LYST: variants seen among roughly 807,000 people sequenced by gnomAD.
LYST encodes the protein lysosomal-trafficking regulator.
LYST carries 192 observed loss-of-function variants against 413.6 expected under a neutral mutation model. The ratio of observed to expected loss-of-function variants is 0.46; its 90% CI spans 0.41 to 0.52. The LOEUF is 0.52. Among genes scored for constraint, LYST ranks in the 20% least tolerant of loss-of-function variants. LYST has a pLI of 0.00. For synonymous variants in LYST, 1,525 were observed against 1,567.3 expected, an observed-to-expected ratio of 0.97 and a Z score of 0.64; for missense variants, 3,815 against 4,499.9, an observed-to-expected ratio of 0.85 and a Z score of 4.35.
Position 235,821,207 on chromosome 1 carries a change from G to A in LYST, c.193-8146C>T, listed in dbSNP as rs114262417. 6.4e-3 allele frequency among the ~76,000 whole-genome samples: 980 copies of A among 152,296 alleles called. 10 individuals carry two copies. The highest frequency in any genetic ancestry group is 0.022 in the African/African-American group (901 of 41,560). On this transcript the variant is annotated intron_variant, in intron 3 of 52. Transcript: ENST00000389793. ...AATCCCAGCACTTTGGGAGGCCAAG[G>A]GGGGTGGTTGCTTGAGCTCAGGAGC...
In LYST at chr1:235,806,245, C is replaced by T. The variant is rs1484190780; in HGVS notation, c.2891G>A (p.Trp964Ter). 6.2e-7 allele frequency: 1 copy of T among 1,613,830 alleles called. No homozygotes were observed. Among genetic ancestry groups the T allele is most frequent in the African/African-American group, 1.3e-5 (1 of 74,938 alleles). ...PEHMHQAADI[W>*]SMCRWIYMLS... Reference sequence around the variant, plus strand: ...CATGTAGATCCAACGACACATAGACCAAATGTCTGCTGCTTGGTGCATATG... The same window carrying T: ...CATGTAGATCCAACGACACATAGACTAAATGTCTGCTGCTTGGTGCATATG... Residue 964 changes from tryptophan (W) to a stop codon, truncating the protein, a stop_gained, in exon 6 of 53, where the codon TGG becomes TAG. Transcript: ENST00000389793. LOFTEE classifies it high-confidence loss of function.
At chr1:235,858,028 G>C (rs7534231) in intron 1 of LYST, among the ~76,000 whole-genome samples, 3 of 151,910 alleles carry the variant, frequency 2.0e-5, no homozygotes, top group Non-Finnish European at 4.4e-5. Flanking sequence ...GAATTTTGTC[G>C]TATGACTATC....
chr1:235,866,876 C>T lies in LYST; in HGVS notation c.-131G>A, dbSNP rs886046184. The T allele has an allele frequency of 6.5e-6, 1 of 153,824 alleles. No individual in the cohort carries two copies. The highest frequency in any genetic ancestry group is 1.5e-5 in the Non-Finnish European group (1 of 68,752). The allele number at this position is 153,824 out of a possible 1,614,324, so 9.5% of individuals were successfully genotyped here. ...TGGCAGCTGCGGCCGCCGCGCACTC[C>T]CCCTCTCCCGGAGAACCCCGAGCCG... On this transcript the variant is annotated 5_prime_UTR_variant, in exon 1 of 53. Coordinates refer to ENST00000389793, the MANE Select transcript of LYST (RefSeq NM_000081.4).
chr1:235,794,927 C>G (rs1291551097), intron 10 of LYST, among the ~76,000 whole-genome samples: 1 of 151,958 alleles, frequency 6.6e-6, no homozygotes, highest in African/African-American at 2.4e-5. Flanking sequence ...CTACTGAAAA[C>G]TCATAGCATT....
chr1:235,830,043 C>T (rs1050059686), intron 3 of LYST, 183 bp downstream of exon 3: 63 of 578,272 alleles, frequency 1.1e-4, no homozygotes, highest in Middle Eastern at 4.6e-4. Flanking sequence ...ATATTTCAGA[C>T]GTTTTGAAAG....
At chr1:235,802,220 A>C (rs940535219) in intron 8 of LYST, among the ~76,000 whole-genome samples, 4 of 147,388 alleles carry the variant, frequency 2.7e-5, no homozygotes, top group Non-Finnish European at 6.0e-5. Context: ...AAAAAAAAAA[A>C]CTAGCAGTAC....
intron 49 of LYST, 96 bp downstream of exon 49, chr1:235,677,384 T>C: frequency 2.3e-6 from 3 of 1,328,276 alleles, no homozygotes; most frequent in Non-Finnish European, 3.2e-6. Flanking sequence ...TTAAAATGAT[T>C]ATAACGTAAA....
Position 235,809,251 on chromosome 1 carries a change from C to T in LYST, c.1567G>A (p.Ala523Thr), listed in dbSNP as rs1462746908. 1.2e-6 allele frequency: 2 copies of T among 1,613,580 alleles called. No individual in the cohort carries two copies. The highest frequency in any genetic ancestry group is 1.3e-5 in the African/African-American group (1 of 74,874). ...TTTTTGGAAACCTGGTTTTTAAAAG[C>T]CGAAACCAGAAGACCTGAGAGATCT... ...HRDLSGLLVSAFKNQVSKNPF... is the reference protein window; with the variant it reads ...HRDLSGLLVSTFKNQVSKNPF... The change falls in exon 5 of 53, where the codon GCT (alanine) becomes ACT (threonine). Residue 523 changes from alanine to threonine, a missense_variant. Around this residue, in one of 4 missense-constraint regions of LYST, gnomAD observed 1,648 missense variants for 1,810.3 expected, o/e 0.91. Transcript: ENST00000389793. The surrounding 1 kb of genome is among the most constrained non-coding windows in gnomAD (Gnocchi z 4.0).
intron 1 of LYST, among the ~76,000 whole-genome samples, chr1:235,852,451 G>C (rs1377213335): frequency 6.6e-6 from 1 of 152,168 alleles, no homozygotes; most frequent in Non-Finnish European, 1.5e-5. Context: ...GACATGTTGA[G>C]GTAATCTCAG....
chr1:235,689,017 T>C (rs1406045974), intron 47 of LYST, among the ~76,000 whole-genome samples: 32 of 135,356 alleles, frequency 2.4e-4, no homozygotes, highest in African/African-American at 9.2e-4. Flanking sequence ...ATAATAATAA[T>C]AATAATAATA....
chr1:235,710,899 G>C (rs1319214617), intron 43 of LYST, among the ~76,000 whole-genome samples: 1 of 152,152 alleles, frequency 6.6e-6, no homozygotes, highest in Non-Finnish European at 1.5e-5. Flanking sequence ...CCCACACAGA[G>C]AGACCACATG....
intron 31 of LYST, chr1:235,737,368 T>C (rs1664909398): frequency 1.3e-5 from 2 of 152,180 alleles, no homozygotes; most frequent in East Asian, 3.8e-4. Flanking sequence ...TATAAACTCA[T>C]GACTTGTCTT....
chr1:235,868,627 ATTAT>A (rs1296349366), upstream of LYST, among the ~76,000 whole-genome samples: 1 of 152,192 alleles, frequency 6.6e-6, no homozygotes, highest in Non-Finnish European at 1.5e-5. Flanking sequence ...CCCTCAAAGT[ATTAT>A]TTGTTTGTAA....
chr1:235,825,430 A>C (rs1675219156), intron 3 of LYST, among the ~76,000 whole-genome samples: 1 of 152,232 alleles, frequency 6.6e-6, no homozygotes, highest in African/African-American at 2.4e-5. Context: ...CATTATTTAC[A>C]TACAAAATCC....
chr1:235,734,815 C>A, intron 31 of LYST, 156 bp from the exon 32 acceptor site: 1 of 579,482 alleles, frequency 1.7e-6, no homozygotes. Context: ...GTACAGAAAT[C>A]TGATTATGCA....
intron 1 of LYST, among the ~76,000 whole-genome samples, chr1:235,853,886 G>A (rs989176907): frequency 1.1e-4 from 16 of 152,120 alleles, no homozygotes; most frequent in Admixed American, 6.5e-4. Context: ...AAACAAATTC[G>A]GCAACCAGAT....
In LYST at chr1:235,663,008, G is replaced by A; in HGVS notation, c.11338C>T (p.Arg3780Trp). The A allele has an allele frequency of 6.2e-7, 1 of 1,613,842 alleles. No homozygotes were observed. Residue 3780 changes from arginine to tryptophan, a missense_variant, in exon 53 of 53, where the codon CGG (arginine) becomes TGG (tryptophan). Physicochemically the swap from Arg to Trp is moderately radical, Grantham distance 101. Transcript: ENST00000389793. ...NSDGTVIAWC[R>W]KDQQRLKQPM... ...TGTTTCAAGCGCTGCTGGTCCTTCC[G>A]ACACCAGGCAATCACGGTCCCATCA... is the stretch of plus-strand genomic sequence containing the variant.
At chr1:235,688,340 C>T (rs1667888615) in intron 47 of LYST, among the ~76,000 whole-genome samples, 1 of 152,090 alleles carries the variant, frequency 6.6e-6, no homozygotes, top group Non-Finnish European at 1.5e-5. Flanking sequence ...AACAAACAAA[C>T]AAGCAAGGAA....
At position 235,757,352 on chromosome 1, in the gene LYST, G is replaced by C. The variant is rs1364859166; in HGVS notation, c.6988C>G (p.Leu2330Val). 1.2e-6 allele frequency: 2 copies of C among 1,613,392 alleles called. No homozygotes were observed. The highest frequency in any genetic ancestry group is 1.7e-6 in the Non-Finnish European group (2 of 1,179,714). ...DVLLEDVMDK[L>V]IQADTLLVLV... ...ACCAAAAGTGTATCTGCTTGAATAA[G>C]CTTGTCCATCACATCTTCAAGCAAA... Residue 2330 changes from leucine (L) to valine (V), a missense_variant, in exon 24 of 53, where the codon CTT becomes GTT. Around this residue, in one of 4 missense-constraint regions of LYST, gnomAD observed 771 missense variants for 837.1 expected, o/e 0.92. Transcript: ENST00000389793.
Sources: allele counts gnomAD v4.1 joint callset (sites outside exome capture counted in the v4.1 genomes callset), GRCh38; gene constraint gnomAD v4.1.1; regional missense constraint gnomAD v4.1.1; non-coding constraint Gnocchi (gnomAD v3.1); transcripts MANE v1.5; gene names NCBI Gene and HGNC (gene_info 2026-07-23, HGNC 2026-07-21).